RAD51B: variants seen among roughly 807,000 people sequenced by gnomAD.
RAD51B encodes the protein RAD51 paralog B.
RAD51B carries 38 observed loss-of-function variants against 42.2 expected under a neutral mutation model. The ratio of observed to expected loss-of-function variants is 0.90; its 90% CI spans 0.70 to 1.18. The LOEUF is 1.18. Ranked by LOEUF, RAD51B falls within the 50% of genes most tolerant of loss-of-function variation. The probability of loss-of-function intolerance (pLI) is 0.00; values close to 1 mark genes in which losing one functional copy is unlikely to be tolerated. For missense variants in RAD51B, 373 were observed against 400.7 expected, an observed-to-expected ratio of 0.93 and a Z score of 0.59; for synonymous variants, 154 against 145.2, an observed-to-expected ratio of 1.06 and a Z score of -0.43.
chr14:68,044,031 C>T (rs1376627023), intron 7 of RAD51B, among the ~76,000 whole-genome samples: 2 of 152,174 alleles, frequency 1.3e-5, no homozygotes, highest in Admixed American at 6.5e-5. Flanking sequence ...GCCCATCAGG[C>T]TGCAACAAAG....
chr14:68,096,806 ATG>A (rs111474104), intron 7 of RAD51B, among the ~76,000 whole-genome samples: 1 of 151,818 alleles, frequency 6.6e-6, no homozygotes, highest in Admixed American at 6.6e-5. Context: ...AATAAATGAT[ATG>A]TGTGTGTGTG....
intron 8 of RAD51B, among the ~76,000 whole-genome samples, chr14:68,385,271 C>T (rs1270199974): frequency 6.6e-6 from 1 of 152,180 alleles, no homozygotes; most frequent in Admixed American, 6.5e-5. Flanking sequence ...GTTTTCTCCC[C>T]AGCCCCTGGC....
intron 7 of RAD51B, among the ~76,000 whole-genome samples, chr14:68,280,555 A>G (rs556345580): frequency 1.1e-3 from 175 of 152,334 alleles, no homozygotes; most frequent in Non-Finnish European, 2.1e-3. Context: ...AAATAAGCCA[A>G]CACAACTCAA....
chr14:67,877,301 A>T (rs1156632162), intron 5 of RAD51B, among the ~76,000 whole-genome samples: 2 of 152,166 alleles, frequency 1.3e-5, no homozygotes, highest in Non-Finnish European at 2.9e-5. Context: ...TCATTTTAGA[A>T]ATAAGCAAAA....
At chr14:68,023,430 C>T (rs967579702) in intron 7 of RAD51B, among the ~76,000 whole-genome samples, 4 of 152,086 alleles carry the variant, frequency 2.6e-5, no homozygotes, top group Admixed American at 6.6e-5. Flanking sequence ...CAGGTTCAAG[C>T]GGTTCTCCTG....
At chr14:68,189,689 T>G (rs2079225199) in intron 7 of RAD51B, among the ~76,000 whole-genome samples, 1 of 152,068 alleles carries the variant, frequency 6.6e-6, no homozygotes, top group Non-Finnish European at 1.5e-5. Flanking sequence ...TTATTTGTGA[T>G]GGAGTTTCAC....
intron 8 of RAD51B, among the ~76,000 whole-genome samples, chr14:68,352,455 A>G (rs1442329682): frequency 6.6e-6 from 1 of 152,212 alleles, no homozygotes; most frequent in Non-Finnish European, 1.5e-5. Context: ...GGTGGATTCC[A>G]AGAGTTCACA....
chr14:68,563,712 T>C (rs1021253044), intron 10 of RAD51B: 136 of 985,292 alleles, frequency 1.4e-4, no homozygotes, highest in Non-Finnish European at 1.6e-4. Context: ...CTGCTCCTTT[T>C]CTAAATGGGA....
intron 10 of RAD51B, among the ~76,000 whole-genome samples, chr14:68,610,308 T>C (rs979015779): frequency 1.3e-5 from 2 of 152,160 alleles, no homozygotes; most frequent in African/African-American, 4.8e-5. Context: ...ATTTTTCAGA[T>C]CCCTCCCACT....
intron 8 of RAD51B, among the ~76,000 whole-genome samples, chr14:68,344,436 A>G (rs931228789): frequency 1.3e-5 from 2 of 152,040 alleles, no homozygotes; most frequent in Non-Finnish European, 2.9e-5. Flanking sequence ...TCACGAGGTC[A>G]GGAGATCAAG....
intron 7 of RAD51B, among the ~76,000 whole-genome samples, chr14:68,156,460 T>TCTCTCTCTCTCTCTCTCG (rs1188582690): frequency 0.01 from 1,385 of 136,338 alleles, 29 homozygotes; most frequent in African/African-American, 0.034. Flanking sequence ...AAAATTTCTC[T>TCTCTCTCTCTCTCTCTCG]CTCTCTCTCT....
At chr14:68,363,327 T>A (rs1055120289) in intron 8 of RAD51B, among the ~76,000 whole-genome samples, 1 of 152,246 alleles carries the variant, frequency 6.6e-6, no homozygotes, top group African/African-American at 2.4e-5. Context: ...TGAATTAACA[T>A]AGGTGATTAA....
chr14:68,246,301 T>A (rs1249138609), intron 7 of RAD51B, among the ~76,000 whole-genome samples: 1 of 151,498 alleles, frequency 6.6e-6, no homozygotes, highest in Non-Finnish European at 1.5e-5. Context: ...TTGGAAAGCC[T>A]TGAAAAAAAA....
chr14:68,229,141 C>T (rs1259702242), intron 7 of RAD51B, among the ~76,000 whole-genome samples: 1 of 152,154 alleles, frequency 6.6e-6, no homozygotes, highest in Non-Finnish European at 1.5e-5. Context: ...TATGAAAATT[C>T]ATTAAGTTGA....
intron 7 of RAD51B, among the ~76,000 whole-genome samples, chr14:67,979,112 T>C (rs918137494): frequency 6.6e-6 from 1 of 152,206 alleles, no homozygotes; most frequent in Non-Finnish European, 1.5e-5. Flanking sequence ...TGGGCAGATT[T>C]GGCAATGGGA....
intron 10 of RAD51B, among the ~76,000 whole-genome samples, chr14:68,527,740 TTTA>T (rs1192989222): frequency 6.6e-6 from 1 of 152,252 alleles, no homozygotes; most frequent in Non-Finnish European, 1.5e-5. Context: ...AGTAGCTATT[TTTA>T]TTATTAAACA....
intron 7 of RAD51B, among the ~76,000 whole-genome samples, chr14:67,935,578 G>A (rs1304610332): frequency 1.3e-5 from 2 of 152,106 alleles, no homozygotes; most frequent in Admixed American, 1.3e-4. Context: ...TGTTGCCCAG[G>A]CTAGTTATAA....
chr14:68,185,823 C>T (rs979889843), intron 7 of RAD51B, among the ~76,000 whole-genome samples: 14 of 152,150 alleles, frequency 9.2e-5, no homozygotes, highest in Non-Finnish European at 1.5e-5. Flanking sequence ...ACTGATCTGA[C>T]AGGAGGTGAA....
chr14:68,435,787 A>AT (rs1462442474), intron 9 of RAD51B, among the ~76,000 whole-genome samples: 2 of 151,660 alleles, frequency 1.3e-5, no homozygotes, highest in South Asian at 4.2e-4. Context: ...AATTTTGAGC[A>AT]TTTTTTCATG....
Sources: gnomAD v4.1 joint callset for allele counts (sites outside exome capture counted in the v4.1 genomes callset) on GRCh38, gnomAD v4.1.1 for gene constraint, MANE v1.5 for transcripts, NCBI Gene and HGNC (gene_info 2026-07-23, HGNC 2026-07-21) for gene names.